DIP2C: variants seen among roughly 807,000 people sequenced by gnomAD.
DIP2C encodes the protein disco-interacting protein 2 homolog C.
In DIP2C, 33 loss-of-function variants were observed where a neutral mutation model predicts 192.4. The observed-to-expected ratio is 0.17, with a 90% CI of 0.13 to 0.23. The LOEUF is 0.23. DIP2C is among the 10% of genes least tolerant of loss of function. The probability of loss-of-function intolerance (pLI) is 1.00; values close to 1 mark genes in which losing one functional copy is unlikely to be tolerated. For synonymous variants in DIP2C, 979 were observed against 864.1 expected (o/e 1.13, Z -2.33); for missense variants, 1,537 against 2,110.1 (o/e 0.73, Z 5.32).
intron 1 of DIP2C, among the ~76,000 whole-genome samples, chr10:616,847 G>A (rs1050824575): frequency 6.6e-6 from 1 of 152,164 alleles, no homozygotes; most frequent in African/African-American, 2.4e-5. Context: ...GCGAGAGGCC[G>A]CCGTGGCCTC....
chr10:548,125 C>G (rs1049262593), intron 1 of DIP2C, among the ~76,000 whole-genome samples: 2 of 151,696 alleles, frequency 1.3e-5, no homozygotes, highest in African/African-American at 4.8e-5. Flanking sequence ...GTGGTGGTCC[C>G]CTGTCCCCAC....
At chr10:673,901 G>T (rs1588745376) in intron 1 of DIP2C, among the ~76,000 whole-genome samples, 1 of 152,200 alleles carries the variant, frequency 6.6e-6, no homozygotes, top group Non-Finnish European at 1.5e-5. Flanking sequence ...CATCACTGGA[G>T]GATTCCAGGA....
Position 651,861 on chromosome 10 carries a change from C to G in DIP2C, c.85+37633G>C, listed in dbSNP as rs774629559. 4.9e-6 allele frequency: 1 copy of G among 202,258 alleles called. No homozygotes were observed. The highest frequency in any genetic ancestry group is 5.3e-5 in the Admixed American group (1 of 18,698). The allele number at this position is 202,258 out of a possible 1,614,324, so 12.5% of individuals were successfully genotyped here. A position where few individuals can be genotyped will look rare whatever the true frequency, so the allele number is the denominator to read the frequency against. Reference sequence around the variant, plus strand: ...CCAATGGGGAAACTACAAAAGAAACCACCTGCTACTGCAAACGGCCTCGCT... The same window carrying G: ...CCAATGGGGAAACTACAAAAGAAACGACCTGCTACTGCAAACGGCCTCGCT... On this transcript the variant is annotated intron_variant, in intron 1 of 36. Coordinates refer to ENST00000280886, the MANE Select transcript of DIP2C (RefSeq NM_014974.3). This position sits in a 1 kb window ranked among gnomAD's most constrained non-coding sequence, Gnocchi z 4.1.
chr10:349,644 C>A (rs4242755), intron 24 of DIP2C, among the ~76,000 whole-genome samples, 190 bp from the exon 25 acceptor site: 145,392 of 152,344 alleles, frequency 0.95, 69,722 homozygotes, highest in East Asian at 1. Context: ...ACTACATATA[C>A]GTTAGAGGTC....
intron 1 of DIP2C, among the ~76,000 whole-genome samples, chr10:628,303 T>C (rs768236063): frequency 1.3e-5 from 2 of 152,256 alleles, no homozygotes; most frequent in African/African-American, 4.8e-5. Flanking sequence ...CCTGTGGTTA[T>C]TCCCTGAAGA....
intron 1 of DIP2C, among the ~76,000 whole-genome samples, chr10:615,006 C>A (rs2131801209): frequency 6.6e-6 from 1 of 152,362 alleles, no homozygotes; most frequent in East Asian, 1.9e-4. Flanking sequence ...GATGACACAG[C>A]CGAAGCGCTG....
chr10:518,117 C>T (rs186507689), intron 1 of DIP2C, among the ~76,000 whole-genome samples: 62 of 152,334 alleles, frequency 4.1e-4, no homozygotes, highest in Non-Finnish European at 7.1e-4. Flanking sequence ...CTGGTCAGCT[C>T]GGTCTCTGCA....
At chr10:430,247 G>T (rs1354050922) in intron 4 of DIP2C, 1 of 152,126 alleles carries the variant, frequency 6.6e-6, no homozygotes, top group Non-Finnish European at 1.5e-5. Flanking sequence ...TTAAAGACAG[G>T]ATCTCAAAAT....
At chr10:613,773 C>CCA (rs912410585) in intron 1 of DIP2C, among the ~76,000 whole-genome samples, 4 of 152,150 alleles carry the variant, frequency 2.6e-5, no homozygotes, top group African/African-American at 9.7e-5. Context: ...CTTTGGTCCC[C>CCA]CAGCCACCCT....
chr10:363,073 GA>G lies in DIP2C; in HGVS notation c.2592+123del. 1.3e-6 allele frequency: 1 copy of G among 770,178 alleles called. No homozygotes were observed. Among genetic ancestry groups the G allele is most frequent in the Non-Finnish European group, 2.1e-6 (1 of 481,926 alleles). 47.7% of individuals were successfully genotyped at this position (770,178 alleles called of 1,614,324 possible). The stretch of plus-strand genomic sequence containing the variant: ...CACTTGATGTAGTTCCTGATCAAAT[GA>G]AGGGAAGGGAAAAAGGGCCACCCCA... On this transcript the variant is annotated intron_variant, in intron 21 of 36. Coordinates refer to ENST00000280886, the MANE Select transcript of DIP2C (RefSeq NM_014974.3). The surrounding 1 kb of genome is among the most constrained non-coding windows in gnomAD (Gnocchi z 5.4).
intron 35 of DIP2C, among the ~76,000 whole-genome samples, chr10:283,001 T>G: frequency 6.6e-6 from 1 of 152,258 alleles, no homozygotes; most frequent in East Asian, 1.9e-4. Flanking sequence ...CTGCAGCCCA[T>G]GCTCAGCAGC....
intron 1 of DIP2C, among the ~76,000 whole-genome samples, chr10:493,059 C>T (rs1014569367): frequency 7.2e-5 from 11 of 152,234 alleles, no homozygotes; most frequent in South Asian, 2.1e-4. Context: ...TTTGAGGAGA[C>T]TCCTGTCCTA....
chr10:472,339 C>A (rs1970697366), intron 3 of DIP2C, 100 bp downstream of exon 3: 1 of 1,103,026 alleles, frequency 9.1e-7, no homozygotes, highest in African/African-American at 1.5e-5. Context: ...GCTGCAGGTC[C>A]ACGCCCACTG....
At chr10:443,506 C>T (rs1967912214) in intron 3 of DIP2C, among the ~76,000 whole-genome samples, 1 of 152,194 alleles carries the variant, frequency 6.6e-6, no homozygotes, top group Non-Finnish European at 1.5e-5. Context: ...TGTGCTGTCA[C>T]TGGGGGTCTC....
chr10:371,678 G>GGCCTGGGGTGGATCACTGAT (rs1960979128), intron 17 of DIP2C, among the ~76,000 whole-genome samples: 1 of 151,678 alleles, frequency 6.6e-6, no homozygotes, highest in Admixed American at 6.6e-5. Flanking sequence ...GCTGAGCTGA[G>GGCCTGGGGTGGATCACTGAT]CAGCACCCGA....
intron 1 of DIP2C, among the ~76,000 whole-genome samples, chr10:596,307 T>C (rs1851693754): frequency 6.6e-6 from 1 of 151,744 alleles, no homozygotes; most frequent in African/African-American, 2.4e-5. Context: ...ATCAGGACTT[T>C]AAGACCAGCC....
At chr10:527,037 T>C (rs1040692659) in intron 1 of DIP2C, among the ~76,000 whole-genome samples, 1 of 152,180 alleles carries the variant, frequency 6.6e-6, no homozygotes, top group Non-Finnish European at 1.5e-5. Context: ...GGGACAGCTG[T>C]CTGCAGTGAG....
chr10:415,771 T>C lies in DIP2C; in HGVS notation c.857A>G (p.Glu286Gly), dbSNP rs773262768. The change falls in exon 7 of 37, where the codon GAA (glutamate) becomes GGA (glycine). Residue 286 changes from glutamate to glycine, a missense_variant and splice_region_variant. This residue lies in a region of DIP2C where 473 missense variants were observed against 539.6 expected (regional missense o/e 0.88). Transcript: ENST00000280886. Reference sequence around the variant, plus strand: ...CGTGTGGTAAAGAGTTCTCTCACCTTCTAATAATTCTTCAAAGTCATCGAC... The same window carrying C: ...CGTGTGGTAAAGAGTTCTCTCACCTCCTAATAATTCTTCAAAGTCATCGAC... The part of the protein sequence containing the change: ...FFVDDFEELL[E>G]VQQPDPNQPK... 6.2e-7 allele frequency: 1 copy of C among 1,614,052 alleles called. No homozygotes were observed. Among genetic ancestry groups the C allele is most frequent in the East Asian group, 2.2e-5 (1 of 44,868 alleles).
chr10:604,165 C>T (rs1409463347), intron 1 of DIP2C, among the ~76,000 whole-genome samples: 2 of 152,030 alleles, frequency 1.3e-5, no homozygotes, highest in Non-Finnish European at 2.9e-5. Flanking sequence ...GGGTCCTCCC[C>T]CATCTCACTG....
Sources: gnomAD v4.1 joint callset for allele counts (sites outside exome capture counted in the v4.1 genomes callset) on GRCh38, gnomAD v4.1.1 for gene constraint, gnomAD v4.1.1 regional missense constraint, Gnocchi (gnomAD v3.1) non-coding constraint, MANE v1.5 for transcripts, NCBI Gene and HGNC (gene_info 2026-07-23, HGNC 2026-07-21) for gene names.